AFAP1L1: variants seen among roughly 807,000 people sequenced by gnomAD.
The protein encoded by AFAP1L1 is actin filament associated protein 1 like 1, also known as actin filament-associated protein 1-like 1.
Under a neutral mutation model 99.8 loss-of-function variants are expected in AFAP1L1, and 77 were observed. That is an observed-to-expected ratio of 0.77 (90% CI 0.64 to 0.93). The LOEUF is 0.93. Among genes scored for constraint, AFAP1L1 ranks in the 40% least tolerant of loss-of-function variants. The pLI is 0.00. For missense variants in AFAP1L1, 893 were observed against 996.8 expected, an observed-to-expected ratio of 0.90 and a Z score of 1.40; for synonymous variants, 373 against 395.3, an observed-to-expected ratio of 0.94 and a Z score of 0.67.
chr5:149,320,442 T>A lies in AFAP1L1; in HGVS notation c.1677T>A (p.Asp559Glu), dbSNP rs1223500463. ...GGCCTGAGCCCCGAGTCTATGATGA[T>A]GTTCCTTATGAAAAGATGCAGGTAC... ...NQWPEPRVYD[D>E]VPYEKMQDEE... The change falls in exon 14 of 19, where the codon GAT (aspartate) becomes GAA (glutamate). Residue 559 changes from aspartate to glutamate, a missense_variant. By Grantham distance (45) the Asp-to-Glu change is conservative. Coordinates refer to ENST00000296721, the MANE Select transcript of AFAP1L1 (RefSeq NM_152406.4). The surrounding 1 kb of genome is among the most constrained non-coding windows in gnomAD (Gnocchi z 4.0). The A allele has an allele frequency of 6.2e-7, 1 of 1,614,226 alleles. No individual in the cohort carries two copies. Among genetic ancestry groups the A allele is most frequent in the Admixed American group, 1.7e-5 (1 of 60,038 alleles).
intron 1 of AFAP1L1, among the ~76,000 whole-genome samples, chr5:149,275,173 T>G (rs1254068670): frequency 6.6e-6 from 1 of 152,258 alleles, no homozygotes; most frequent in Non-Finnish European, 1.5e-5. Flanking sequence ...ATGGGGCCTA[T>G]GAGCTGGGAC....
chr5:149,327,088 G>GA (rs1250908905), intron 15 of AFAP1L1, among the ~76,000 whole-genome samples: 1 of 136,044 alleles, frequency 7.4e-6, no homozygotes, highest in East Asian at 2.3e-4. Context: ...CATACAGAAG[G>GA]AAAAAAATCA....
chr5:149,332,654 G>A, intron 16 of AFAP1L1, 41 bp from the exon 17 acceptor site: 2 of 1,583,892 alleles, frequency 1.3e-6, no homozygotes, highest in Non-Finnish European at 1.7e-6. Context: ...TGACATTTCA[G>A]GTCAGGTTCA....
intron 18 of AFAP1L1, among the ~76,000 whole-genome samples, chr5:149,339,683 A>G (rs1350577695): frequency 1.3e-5 from 2 of 152,226 alleles, no homozygotes; most frequent in African/African-American, 4.8e-5. Context: ...AAAGCCTTTC[A>G]GGCCACTGAG....
chr5:149,323,522 C>T (rs920855773), intron 15 of AFAP1L1, among the ~76,000 whole-genome samples: 5 of 152,336 alleles, frequency 3.3e-5, no homozygotes, highest in Admixed American at 6.5e-5. Context: ...TACATTTCTT[C>T]CCCCTGCATC....
intron 12 of AFAP1L1, 22 bp from the exon 13 acceptor site, chr5:149,319,560 A>G (rs1167182250): frequency 1.0e-5 from 16 of 1,578,028 alleles, no homozygotes; most frequent in Admixed American, 5.3e-5. Context: ...AATGAACTCC[A>G]TCTTTGCCTC....
At chr5:149,279,299 A>G (rs941371114) in intron 1 of AFAP1L1, among the ~76,000 whole-genome samples, 1 of 152,152 alleles carries the variant, frequency 6.6e-6, no homozygotes, top group Non-Finnish European at 1.5e-5. Context: ...CAATGGTAGA[A>G]TACAAGTTGC....
rs183205274 is a variant in AFAP1L1, at chr5:149,331,235, G to A, written c.1975+1405G>A. Among the ~76,000 whole-genome samples, 8 of 152,202 alleles carry A rather than the reference G, an allele frequency of 5.3e-5. No individual in the cohort carries two copies. In the South Asian group the frequency reaches 1.0e-3, roughly 20 times the overall value. On this transcript the variant is annotated intron_variant, in intron 16 of 18. Transcript: ENST00000296721. The stretch of plus-strand genomic sequence containing the variant: ...GAGGCCTGTTTGAGTGCAGGAGTTC[G>A]ACACCAGCCTGAGCAACATAATGAG...
At chr5:149,286,007 G>C (rs1261677419) in intron 1 of AFAP1L1, among the ~76,000 whole-genome samples, 1 of 152,158 alleles carries the variant, frequency 6.6e-6, no homozygotes, top group Non-Finnish European at 1.5e-5. Context: ...ATTCACAGTG[G>C]ACATCGAACA....
intron 16 of AFAP1L1, among the ~76,000 whole-genome samples, chr5:149,332,117 G>C (rs1030813477): frequency 3.9e-5 from 6 of 152,108 alleles, no homozygotes; most frequent in Non-Finnish European, 8.8e-5. Context: ...GGGTAGTGGG[G>C]CAGGTGCAGT....
intron 1 of AFAP1L1, among the ~76,000 whole-genome samples, chr5:149,299,231 G>A (rs551167411): frequency 9.2e-5 from 14 of 152,324 alleles, no homozygotes; most frequent in Non-Finnish European, 8.8e-5. Flanking sequence ...CTGAGCTCAG[G>A]GTTGCCAGAT....
At chr5:149,291,499 C>T (rs1354535111) in intron 1 of AFAP1L1, among the ~76,000 whole-genome samples, 3 of 123,256 alleles carry the variant, frequency 2.4e-5, no homozygotes, top group Non-Finnish European at 1.6e-5. Flanking sequence ...GCACTCCAGC[C>T]GGACAACAGA....
At chr5:149,321,132 C>G (rs1263721815) in intron 14 of AFAP1L1, among the ~76,000 whole-genome samples, 1 of 152,208 alleles carries the variant, frequency 6.6e-6, no homozygotes, top group Non-Finnish European at 1.5e-5. Context: ...CAGACAGGAC[C>G]TCTGTCTTGG....
At chr5:149,334,152 G>T (rs1053807917) in intron 17 of AFAP1L1, among the ~76,000 whole-genome samples, 1 of 152,232 alleles carries the variant, frequency 6.6e-6, no homozygotes, top group Non-Finnish European at 1.5e-5. Context: ...TGACTTGTCA[G>T]GAGGCAATGT....
At chr5:149,290,601 T>C (rs573016814) in intron 1 of AFAP1L1, among the ~76,000 whole-genome samples, 1 of 152,346 alleles carries the variant, frequency 6.6e-6, no homozygotes, top group East Asian at 1.9e-4. Flanking sequence ...ACTAAATCAA[T>C]TGGCAGCCGT....
chr5:149,310,740 C>T (rs1367522805), intron 8 of AFAP1L1, among the ~76,000 whole-genome samples: 2 of 152,148 alleles, frequency 1.3e-5, no homozygotes, highest in Admixed American at 6.5e-5. Flanking sequence ...ACTTGCCAAA[C>T]GTCACACAAC....
chr5:149,305,835 C>T (rs1186877046), intron 5 of AFAP1L1, among the ~76,000 whole-genome samples: 1 of 151,792 alleles, frequency 6.6e-6, no homozygotes, highest in East Asian at 1.9e-4. Context: ...GCAACTGGTA[C>T]ATTGCTCCCT....
intron 1 of AFAP1L1, among the ~76,000 whole-genome samples, chr5:149,286,892 C>T (rs568000457): frequency 8.8e-4 from 134 of 152,302 alleles, no homozygotes; most frequent in South Asian, 1.7e-3. Flanking sequence ...GATTCTGGCT[C>T]CAATGCCTGT....
intron 17 of AFAP1L1, among the ~76,000 whole-genome samples, 179 bp from the exon 18 acceptor site, chr5:149,335,415 G>A (rs548259284): frequency 1.3e-5 from 2 of 152,296 alleles, no homozygotes; most frequent in Admixed American, 6.5e-5. Context: ...TTGAACCCAG[G>A]AGGCAGAGGT....
Sources: allele counts gnomAD v4.1 joint callset (sites outside exome capture counted in the v4.1 genomes callset), GRCh38; gene constraint gnomAD v4.1.1; non-coding constraint Gnocchi (gnomAD v3.1); transcripts MANE v1.5; gene names NCBI Gene and HGNC (gene_info 2026-07-23, HGNC 2026-07-21).